Variants in RASEF observed in about 807,000 individuals in gnomAD.
The protein encoded by RASEF is RAS and EF-hand domain containing, also known as ras and EF-hand domain-containing protein.
In RASEF, 68 loss-of-function variants were observed where a neutral mutation model predicts 90.1. The observed-to-expected ratio is 0.75, with a 90% CI of 0.62 to 0.92. The LOEUF (loss-of-function observed/expected upper bound fraction) is 0.92, where lower values mean the gene tolerates loss of function less well. RASEF is among the 40% of genes least tolerant of loss of function. The pLI, the probability that RASEF is intolerant of heterozygous loss-of-function variation, is 0.00. For synonymous variants in RASEF, 331 were observed against 345.2 expected, an observed-to-expected ratio of 0.96 and a Z score of 0.46; for missense variants, 949 against 937.2, an observed-to-expected ratio of 1.01 and a Z score of -0.16.
chr9:83,146,967 C>A, the RASEF span, among the ~76,000 whole-genome samples: 24 of 151,432 alleles, frequency 1.6e-4, no homozygotes, highest in Middle Eastern at 3.4e-3. Flanking sequence ...CCAGGAGCCA[C>A]AAACATGTAA....
the RASEF span, among the ~76,000 whole-genome samples, chr9:83,197,689 A>G: frequency 2.0e-5 from 3 of 152,138 alleles, no homozygotes; most frequent in Non-Finnish European, 4.4e-5. Flanking sequence ...CATGGCTCTC[A>G]GCTCCACTTC....
chr9:83,126,532 A>C, the RASEF span, among the ~76,000 whole-genome samples: 11 of 152,340 alleles, frequency 7.2e-5, no homozygotes, highest in South Asian at 2.1e-3. Flanking sequence ...TTAAGAGGAC[A>C]GACAATTGTG....
At chr9:83,147,026 GTGTA>G in the RASEF span, among the ~76,000 whole-genome samples, 26 of 118,120 alleles carry the variant, frequency 2.2e-4, no homozygotes, top group African/African-American at 3.7e-4. Context: ...GTGTGTGTGT[GTGTA>G]TATATATATG....
At chr9:83,097,242 C>G in the RASEF span, among the ~76,000 whole-genome samples, 1 of 152,174 alleles carries the variant, frequency 6.6e-6, no homozygotes, top group Non-Finnish European at 1.5e-5. Context: ...AGTTTACAGT[C>G]CCACCAACAG....
chr9:82,993,056 C>T (rs201288492), intron 14 of RASEF, 31 bp from the exon 15 acceptor site: 1 of 1,607,574 alleles, frequency 6.2e-7, no homozygotes, highest in South Asian at 1.1e-5. Flanking sequence ...ATGGGGCACA[C>T]ATCAAACACT....
At chr9:83,048,301 C>A (rs948312934) in intron 1 of RASEF, 1 of 985,248 alleles carries the variant, frequency 1.0e-6, no homozygotes, top group African/African-American at 1.7e-5. Flanking sequence ...GGCGTCACTT[C>A]TCTGTGGTAG....
At chr9:83,138,706 C>T in the RASEF span, among the ~76,000 whole-genome samples, 10 of 152,240 alleles carry the variant, frequency 6.6e-5, no homozygotes, top group South Asian at 1.9e-3. Context: ...TAAATCCCCT[C>T]GTAGAGCTTT....
chr9:83,060,823 T>C (rs1830190316), intron 1 of RASEF, among the ~76,000 whole-genome samples: 1 of 152,178 alleles, frequency 6.6e-6, no homozygotes, highest in Non-Finnish European at 1.5e-5. Flanking sequence ...AGGACACAAG[T>C]CTACCAGGTG....
intron 5 of RASEF, among the ~76,000 whole-genome samples, chr9:83,011,121 G>A (rs1359794750): frequency 6.6e-6 from 1 of 152,136 alleles, no homozygotes; most frequent in Non-Finnish European, 1.5e-5. Context: ...TCTTGAGGAT[G>A]TGCTATGCCG....
chr9:83,166,156 T>G, the RASEF span, among the ~76,000 whole-genome samples: 5 of 152,294 alleles, frequency 3.3e-5, no homozygotes, highest in South Asian at 1.0e-3. Context: ...TTTAATTCAT[T>G]CTATAAGGCC....
At chr9:83,059,574 G>T (rs971448270) in intron 1 of RASEF, among the ~76,000 whole-genome samples, 3 of 152,002 alleles carry the variant, frequency 2.0e-5, no homozygotes, top group African/African-American at 4.8e-5. Flanking sequence ...AACTGGCAAG[G>T]CTACATTATA....
At chr9:83,001,181 A>G in intron 9 of RASEF, 51 bp from the exon 10 acceptor site, 2 of 1,354,874 alleles carry the variant, frequency 1.5e-6, no homozygotes, top group Non-Finnish European at 2.1e-6. Context: ...AATGCTCAAG[A>G]ACATACAGGC....
At chr9:83,040,873 T>A (rs879772126) in intron 1 of RASEF, among the ~76,000 whole-genome samples, 16 of 152,178 alleles carry the variant, frequency 1.1e-4, no homozygotes, top group Non-Finnish European at 2.1e-4. Flanking sequence ...ATATATATAT[T>A]TTTTGAGACA....
chr9:83,000,506 T>G lies in RASEF; in HGVS notation c.1502A>C (p.Lys501Thr), dbSNP rs1374505544. The G allele has an allele frequency of 1.9e-6, 3 of 1,613,940 alleles. No homozygotes were observed. The highest frequency in any genetic ancestry group is 2.5e-6 in the Non-Finnish European group (3 of 1,179,840). ...GCCTTCACTAACAGACCCTTGGGGC[T>G]TCCAGTCTAAGACGGAAGCCACATC... is the stretch of plus-strand genomic sequence containing the variant. Reference protein sequence around the residue: ...LEDVASVLDWKPQGSVSEGSI... With the variant: ...LEDVASVLDWTPQGSVSEGSI... Residue 501 changes from lysine (K) to threonine (T), a missense_variant, in exon 11 of 17, where the codon AAG becomes ACG. Transcript: ENST00000376447.
In RASEF at chr9:83,062,882, G is replaced by A. The variant is rs566343454; in HGVS notation, c.-15C>T. On this transcript the variant is annotated 5_prime_UTR_variant, in exon 1 of 17. Transcript: ENST00000376447. ...TCCGCCTCCATCCCGCCTGGCGGGG[G>A]CGGCCGAGAGGGCTCCGGAGCGCCG... is the stretch of plus-strand genomic sequence containing the variant. 1,747 of 1,473,006 alleles carry A rather than the reference G, an allele frequency of 1.2e-3. 2 individuals are homozygous for A. Among genetic ancestry groups the A allele is most frequent in the Non-Finnish European group, 1.4e-3 (1,624 of 1,122,314 alleles). 91.2% of individuals were successfully genotyped at this position (1,473,006 alleles called of 1,614,324 possible). A position where few individuals can be genotyped will look rare whatever the true frequency, so the allele number is the denominator to read the frequency against.
At chr9:83,055,818 C>T (rs1389364765) in intron 1 of RASEF, 3 of 599,114 alleles carry the variant, frequency 5.0e-6, no homozygotes, top group Admixed American at 2.7e-5. Context: ...TATGTAAGGA[C>T]CCCGAAGGGT....
intron 16 of RASEF, among the ~76,000 whole-genome samples, chr9:82,984,016 T>C (rs1301738059): frequency 6.6e-6 from 1 of 152,236 alleles, no homozygotes; most frequent in Non-Finnish European, 1.5e-5. Flanking sequence ...GTTGTTGTTT[T>C]GGGCAACCAA....
At chr9:83,194,779 A>G in the RASEF span, among the ~76,000 whole-genome samples, 1 of 152,100 alleles carries the variant, frequency 6.6e-6, no homozygotes, top group Non-Finnish European at 1.5e-5. Flanking sequence ...CTAGCACTAC[A>G]TTATTTATTT....
At chr9:83,006,508 G>GA (rs373940408) in intron 7 of RASEF, among the ~76,000 whole-genome samples, 31 of 142,230 alleles carry the variant, frequency 2.2e-4, no homozygotes, top group Middle Eastern at 3.6e-3. Context: ...CAAAAATGGT[G>GA]AAAAAAAAAA....
Sources: gnomAD v4.1 joint callset for allele counts (sites outside exome capture counted in the v4.1 genomes callset) on GRCh38, gnomAD v4.1.1 for gene constraint, MANE v1.5 for transcripts, NCBI Gene and HGNC (gene_info 2026-07-23, HGNC 2026-07-21) for gene names.